Variants in LRCH2 observed in about 807,000 individuals in gnomAD.
LRCH2 encodes the protein leucine-rich repeat and calponin homology domain-containing protein 2.
LRCH2 carries 38 observed loss-of-function variants against 68.9 expected under a neutral mutation model. That is an observed-to-expected ratio of 0.55 (90% CI 0.43 to 0.72). The LOEUF (loss-of-function observed/expected upper bound fraction) is 0.72, where lower values mean the gene tolerates loss of function less well. Among genes scored for constraint, LRCH2 ranks in the 30% least tolerant of loss-of-function variants. LRCH2 has a pLI of 0.00. For missense variants in LRCH2, 528 were observed against 572.9 expected, an observed-to-expected ratio of 0.92 and a Z score of 0.80; for synonymous variants, 191 against 208.1, an observed-to-expected ratio of 0.92 and a Z score of 0.71.
intron 11 of LRCH2, among the ~76,000 whole-genome samples, chrX:115,159,325 T>C (rs989707583): frequency 5.4e-5 from 6 of 110,903 alleles, no homozygotes; most frequent in Non-Finnish European, 9.4e-5. Flanking sequence ...AAGGTAAAAT[T>C]AGAACTTGAT....
Position 115,233,727 on chromosome X carries a change from G to T in LRCH2, c.315C>A (p.Gly105=). 2 of 1,178,928 alleles carry T rather than the reference G, an allele frequency of 1.7e-6. No individual in the cohort carries two copies. The highest frequency in any genetic ancestry group is 2.3e-6 in the Non-Finnish European group (2 of 878,095). ...LSGRKLRDFP[G]SGYDLTDTTQ... is the part of the protein sequence containing the mutation. ...TGGTGTCCGTCAGGTCGTAGCCGCT[G>T]CCCGGGAAGTCTCGGAGTTTCCGAC... Residue 105 remains glycine, a synonymous_variant, in exon 1 of 21, where the codon GGC becomes GGA. Coordinates refer to ENST00000317135, the MANE Select transcript of LRCH2 (RefSeq NM_020871.4).
At chrX:115,118,390 C>T (rs2072103368) in intron 20 of LRCH2, among the ~76,000 whole-genome samples, 2 of 109,870 alleles carry the variant, frequency 1.8e-5, no homozygotes, top group South Asian at 7.9e-4. Context: ...CTACAAACAC[C>T]TCTACGCAAA....
chrX:115,120,448 A>C (rs1177266772), intron 20 of LRCH2, among the ~76,000 whole-genome samples: 6 of 86,111 alleles, frequency 7.0e-5, no homozygotes, highest in Admixed American at 2.8e-4. Context: ...CATCAGAGAA[A>C]TGCAAATCAA....
intron 1 of LRCH2, among the ~76,000 whole-genome samples, chrX:115,219,661 T>A (rs781816462): frequency 1.2e-4 from 13 of 110,842 alleles, no homozygotes; most frequent in Non-Finnish European, 2.5e-4. Flanking sequence ...TGTTGAGGAG[T>A]CAATTCTAGA....
chrX:115,181,373 T>C (rs782786614), intron 3 of LRCH2, among the ~76,000 whole-genome samples: 18 of 112,499 alleles, frequency 1.6e-4, no homozygotes, highest in Non-Finnish European at 3.2e-4. Context: ...CGATGGATAA[T>C]AGAAGTTTGT....
chrX:115,220,135 C>A (rs1176406837), intron 1 of LRCH2, among the ~76,000 whole-genome samples: 1 of 111,923 alleles, frequency 8.9e-6, no homozygotes, highest in Admixed American at 9.5e-5. Context: ...GTTTAAATTT[C>A]TCTGGGGAGA....
At chrX:115,189,418 T>C (rs1556555992) in intron 1 of LRCH2, 1 of 1,153,903 alleles carries the variant, frequency 8.7e-7, no homozygotes, top group Admixed American at 2.6e-5. Flanking sequence ...CCACTTCCTC[T>C]GACCCACCAT....
intron 15 of LRCH2, 122 bp from the exon 16 acceptor site, chrX:115,127,015 C>T: frequency 2.5e-6 from 1 of 398,203 alleles, no homozygotes; most frequent in Non-Finnish European, 4.2e-6. Flanking sequence ...TAAAGATATG[C>T]CATCCAGCAC....
At chrX:115,152,774 CA>C (rs781898082) in intron 12 of LRCH2, among the ~76,000 whole-genome samples, 1 of 110,573 alleles carries the variant, frequency 9.0e-6, no homozygotes, top group South Asian at 3.8e-4. Context: ...GAACTCCAAA[CA>C]AAAGTAACAT....
At position 115,123,975 on chromosome X, in the gene LRCH2, G is replaced by A. The variant is rs1468651868; in HGVS notation, c.1819C>T (p.His607Tyr). Reference sequence around the variant, plus strand: ...CTAGGCTTCAAGCCAAAGGGACTGTGTGAAAAACCATCAGTTCTGTCATAT... The same window carrying A: ...CTAGGCTTCAAGCCAAAGGGACTGTATGAAAAACCATCAGTTCTGTCATAT... ...EEYDRTDGFSHSPFGLKPRSA... is the reference protein window; with the variant it reads ...EEYDRTDGFSYSPFGLKPRSA... The change falls in exon 17 of 21, where the codon CAC (histidine) becomes TAC (tyrosine). Residue 607 changes from histidine to tyrosine, a missense_variant. By Grantham distance (83) the His-to-Tyr change is moderately conservative (BLOSUM62 2). Transcript: ENST00000317135. 3 of 1,107,746 alleles carry A rather than the reference G, an allele frequency of 2.7e-6. No homozygotes were observed. Among genetic ancestry groups the A allele is most frequent in the Non-Finnish European group, 2.4e-6 (2 of 835,818 alleles). The allele number at this position is 1,107,746 out of a possible 1,213,427, so 91.3% of individuals were successfully genotyped here. A position where few individuals can be genotyped will look rare whatever the true frequency, so the allele number is the denominator to read the frequency against.
intron 1 of LRCH2, among the ~76,000 whole-genome samples, chrX:115,199,672 A>T (rs2072916321): frequency 8.9e-6 from 1 of 112,163 alleles, no homozygotes; most frequent in South Asian, 3.7e-4. Context: ...CTAGGCCTAA[A>T]GAGAGAGATA....
intron 12 of LRCH2, among the ~76,000 whole-genome samples, chrX:115,155,824 T>C (rs1435880317): frequency 2.7e-5 from 3 of 111,479 alleles, no homozygotes; most frequent in Admixed American, 9.6e-5. Context: ...TAAATGCAAA[T>C]GGTGCCAGTG....
At chrX:115,146,902 T>TACACACACACAC (rs1238704414) in intron 14 of LRCH2, among the ~76,000 whole-genome samples, 5 of 53,889 alleles carry the variant, frequency 9.3e-5, no homozygotes, top group African/African-American at 4.0e-4. Context: ...ATTTCTTACA[T>TACACACACACAC]ACATACACAC....
chrX:115,190,201 C>T, intron 1 of LRCH2: 1 of 1,166,677 alleles, frequency 8.6e-7, no homozygotes, highest in South Asian at 1.9e-5. Flanking sequence ...GGATTTTGTC[C>T]CTGCGCTCAG....
Position 115,170,326 on chromosome X carries a change from C to T in LRCH2, c.971G>A (p.Arg324Gln), listed in dbSNP as rs781912655. Residue 324 changes from arginine (R) to glutamine (Q), a missense_variant, in exon 6 of 21, where the codon CGA becomes CAA. Transcript: ENST00000317135. ...GTCTGTGAGAGGCTGTGAGGGCATT[C>T]GTTTACTCAATGATGGAAGATCCAG... Reference protein sequence around the residue: ...DSLDLPSLSKRMPSQPLTDSM... With the variant: ...DSLDLPSLSKQMPSQPLTDSM... 5.3e-5 allele frequency: 62 copies of T among 1,178,129 alleles called. No homozygotes were observed. The South Asian group carries it at 1.0e-3, about 19-fold the overall frequency.
chrX:115,172,549 A>G (rs1556547834), intron 5 of LRCH2, among the ~76,000 whole-genome samples: 1 of 111,781 alleles, frequency 8.9e-6, no homozygotes, highest in African/African-American at 3.3e-5. Context: ...GACCAAGAAA[A>G]TATTCACAGA....
At chrX:115,140,720 AGTG>A (rs2072329870) in intron 14 of LRCH2, among the ~76,000 whole-genome samples, 2 of 111,653 alleles carry the variant, frequency 1.8e-5, no homozygotes, top group East Asian at 2.8e-4. Context: ...CCCATGGGCC[AGTG>A]GTGGTGGTGG....
chrX:115,213,429 A>G (rs1052620393), intron 1 of LRCH2, among the ~76,000 whole-genome samples: 1 of 111,853 alleles, frequency 8.9e-6, no homozygotes, highest in Non-Finnish European at 1.9e-5. Context: ...CATATTTGCC[A>G]GGTAGCATCC....
At position 115,113,343 on chromosome X, in the gene LRCH2, A is replaced by G; in HGVS notation, c.2179-8T>C. 8.6e-7 allele frequency: 1 copy of G among 1,161,263 alleles called. No individual in the cohort carries two copies. Among genetic ancestry groups the G allele is most frequent in the Non-Finnish European group, 1.2e-6 (1 of 866,586 alleles). ...AGGCAAACAAAGTCTTTCCTGGAGA[A>G]AAAAAAGAGATATTTGAACATTCAT... On this transcript the variant is annotated splice_region_variant and splice_polypyrimidine_tract_variant and intron_variant, in intron 20 of 20. Coordinates refer to ENST00000317135, the MANE Select transcript of LRCH2 (RefSeq NM_020871.4).
Sources: gnomAD v4.1 joint callset for allele counts (sites outside exome capture counted in the v4.1 genomes callset) on GRCh38, gnomAD v4.1.1 for gene constraint, MANE v1.5 for transcripts, NCBI Gene and HGNC (gene_info 2026-07-23, HGNC 2026-07-21) for gene names.